Variants in CATIP observed in about 807,000 individuals in gnomAD.
CATIP encodes the protein ciliogenesis-associated TTC17-interacting protein.
A neutral mutation model predicts 42.5 loss-of-function variants in CATIP; 40 were observed. The observed-to-expected ratio is 0.94, with a 90% CI of 0.73 to 1.22. The LOEUF (loss-of-function observed/expected upper bound fraction) is 1.22. Ranked by LOEUF, CATIP falls within the 50% of genes most tolerant of loss-of-function variation. CATIP has a pLI of 0.00. For synonymous variants in CATIP, 222 were observed against 200.2 expected, an observed-to-expected ratio of 1.11 and a Z score of -0.92; for missense variants, 489 against 496.0, an observed-to-expected ratio of 0.99 and a Z score of 0.13.
chr2:218,362,752 G>T lies in CATIP; in HGVS notation c.480G>T (p.Val160=). 1 of 1,614,120 alleles carries T rather than the reference G, an allele frequency of 6.2e-7. No homozygotes were observed. The highest frequency in any genetic ancestry group is 1.1e-5 in the South Asian group (1 of 91,072). Residue 160 remains valine, a synonymous_variant, in exon 6 of 10, where the codon GTG becomes GTT. Transcript: ENST00000289388. Reference sequence around the variant, plus strand: ...CTGAACAGGAAGTGAAGACTGGAGTGACTTCTTTCCCCTGGAGCTCAATCA... The same window carrying T: ...CTGAACAGGAAGTGAAGACTGGAGTTACTTCTTTCCCCTGGAGCTCAATCA... ...IKEGEEVKTG[V]TSFPWSSIKG...
At position 218,367,366 on chromosome 2, in the gene CATIP, C is replaced by A. The variant is rs1480364020; in HGVS notation, c.833-64C>A. On this transcript the variant is annotated intron_variant, in intron 8 of 9. Coordinates refer to ENST00000289388, the MANE Select transcript of CATIP (RefSeq NM_198559.2). ...CCTTCTGTTTGGGTGTTCTCGGGAT[C>A]TCGCTGTGTATCCAAGGAAGGTTCC... 2.1e-6 allele frequency: 3 copies of A among 1,448,190 alleles called. No individual in the cohort carries two copies. In the African/African-American group the frequency reaches 4.2e-5, roughly 20 times the overall value. 89.7% of individuals were successfully genotyped at this position (1,448,190 alleles called of 1,614,324 possible).
intron 7 of CATIP, chr2:218,366,726 G>T: frequency 2.6e-6 from 1 of 391,048 alleles, no homozygotes. Flanking sequence ...TGCCATCAGG[G>T]TTGGTTTCTG....
At chr2:218,364,545 G>A (rs1267580287) in intron 6 of CATIP, 83 bp from the exon 7 acceptor site, 2 of 1,544,340 alleles carry the variant, frequency 1.3e-6, no homozygotes, top group African/African-American at 2.8e-5. Context: ...TTATGAGATG[G>A]AGAAAAGGCT....
Position 218,367,928 on chromosome 2 carries a change from G to A in CATIP, c.1128G>A (p.Leu376=). 1 of 1,605,526 alleles carries A rather than the reference G, an allele frequency of 6.2e-7. No homozygotes were observed. The highest frequency in any genetic ancestry group is 1.1e-5 in the South Asian group (1 of 90,432). The change falls in exon 10 of 10, where the codon CTG becomes CTA. Residue 376 remains leucine (L), a synonymous_variant. Coordinates refer to ENST00000289388, the MANE Select transcript of CATIP (RefSeq NM_198559.2). ...SSHRPNPFRS[L]EPEGDARSGA... ...ACCGGCCCAACCCTTTCCGCTCCCTGGAGCCGGAGGGAGACGCCCGCTCGG... is the reference window on the plus strand; with the variant it reads ...ACCGGCCCAACCCTTTCCGCTCCCTAGAGCCGGAGGGAGACGCCCGCTCGG...
Position 218,367,866 on chromosome 2 carries a change from C to T in CATIP, c.1066C>T (p.Pro356Ser). The change falls in exon 10 of 10, where the codon CCG becomes TCG. Residue 356 changes from proline to serine, a missense_variant. Physicochemically the swap from Pro to Ser is moderately conservative, Grantham distance 74. Coordinates refer to ENST00000289388, the MANE Select transcript of CATIP (RefSeq NM_198559.2). ...FAAEFFGPFD[P>S]WRPSSPALGS... is the part of the protein sequence containing the mutation. The stretch of plus-strand genomic sequence containing the variant: ...CGCCGAGTTCTTCGGCCCCTTCGAC[C>T]CGTGGCGTCCGTCGTCACCGGCCTT... 1.2e-6 allele frequency: 2 copies of T among 1,613,058 alleles called. No homozygotes were observed. The highest frequency in any genetic ancestry group is 1.7e-4 in the Middle Eastern group (1 of 6,046).
intron 6 of CATIP, among the ~76,000 whole-genome samples, chr2:218,364,131 G>A (rs1472860066): frequency 6.6e-6 from 1 of 152,166 alleles, no homozygotes; most frequent in African/African-American, 2.4e-5. Context: ...ACATGAACAA[G>A]CACAATCCAT....
chr2:218,361,722 A>G (rs2106312980), intron 5 of CATIP, among the ~76,000 whole-genome samples: 1 of 152,308 alleles, frequency 6.6e-6, no homozygotes, highest in East Asian at 1.9e-4. Flanking sequence ...TACCTTGTTT[A>G]GGAATAAAAT....
At chr2:218,363,000 A>C (rs1695289264) in intron 6 of CATIP, 98 bp downstream of exon 6, 1 of 1,258,684 alleles carries the variant, frequency 7.9e-7, no homozygotes, top group Non-Finnish European at 1.1e-6. Context: ...TAGAAAAGGG[A>C]GGCAGGTGGG....
In CATIP at chr2:218,368,080, T is replaced by A; in HGVS notation, c.*116T>A. On this transcript the variant is annotated 3_prime_UTR_variant, in exon 10 of 10. Coordinates refer to ENST00000289388, the MANE Select transcript of CATIP (RefSeq NM_198559.2). ...GGTTTTGGGGGAATAAATGGGGCCC[T>A]CCCGCTTCTCTGCAGCGCCCGTCGA... is the stretch of plus-strand genomic sequence containing the variant. The A allele has an allele frequency of 8.2e-7, 1 of 1,214,506 alleles. No individual in the cohort carries two copies. Among genetic ancestry groups the A allele is most frequent in the Non-Finnish European group, 1.1e-6 (1 of 909,674 alleles). 75.2% of individuals were successfully genotyped at this position (1,214,506 alleles called of 1,614,324 possible).
At chr2:218,359,853 C>A (rs535869069) in intron 4 of CATIP, among the ~76,000 whole-genome samples, 2 of 151,124 alleles carry the variant, frequency 1.3e-5, no homozygotes, top group East Asian at 3.9e-4. Flanking sequence ...GAGACAGAGT[C>A]TTGCTCTTAT....
At position 218,357,650 on chromosome 2, in the gene CATIP, C is replaced by G; in HGVS notation, c.235C>G (p.Leu79Val). The G allele has an allele frequency of 6.2e-7, 1 of 1,614,110 alleles. No individual in the cohort carries two copies. Reference sequence around the variant, plus strand: ...GCAGAGAGGGAAATACCAGGAAAAACTCGGCATGCTGACATACTGCCTCTT... The same window carrying G: ...GCAGAGAGGGAAATACCAGGAAAAAGTCGGCATGCTGACATACTGCCTCTT... Reference protein sequence around the residue: ...EVQRGKYQEKLGMLTYCLFVH... With the variant: ...EVQRGKYQEKVGMLTYCLFVH... The change falls in exon 3 of 10, where the codon CTC becomes GTC. Residue 79 changes from leucine (L) to valine (V), a missense_variant. Coordinates refer to ENST00000289388, the MANE Select transcript of CATIP (RefSeq NM_198559.2).
At chr2:218,364,814 G>C in intron 7 of CATIP, 62 bp downstream of exon 7, 1 of 1,554,448 alleles carries the variant, frequency 6.4e-7, no homozygotes, top group South Asian at 1.2e-5. Context: ...CAAGGAGACC[G>C]GCTGCTTCTG....
intron 7 of CATIP, among the ~76,000 whole-genome samples, chr2:218,365,140 C>T (rs745355781): frequency 2.6e-5 from 4 of 152,154 alleles, no homozygotes; most frequent in African/African-American, 4.8e-5. Flanking sequence ...CAGGGCTGGG[C>T]GTGGTGGCTC....
chr2:218,360,044 T>C (rs1008521221), intron 4 of CATIP, among the ~76,000 whole-genome samples: 3 of 152,152 alleles, frequency 2.0e-5, no homozygotes, highest in African/African-American at 4.8e-5. Context: ...CAGGCTGGTC[T>C]TGAACTCCTG....
At position 218,364,721 on chromosome 2, in the gene CATIP, A is replaced by G; in HGVS notation, c.724A>G (p.Met242Val). 1 of 1,613,792 alleles carries G rather than the reference A, an allele frequency of 6.2e-7. No homozygotes were observed. The change falls in exon 7 of 10, where the codon ATG becomes GTG. Residue 242 changes from methionine (M) to valine (V), a missense_variant. Met to Val is a conservative substitution (Grantham distance 21). Coordinates refer to ENST00000289388, the MANE Select transcript of CATIP (RefSeq NM_198559.2). ...TGTCCACGCGGAGGAGGGCATCCCC[A>G]TGTCCTGCCAGTACTACCTGCTCTC... ...QTVHAEEGIP[M>V]SCQYYLLSDG...
At chr2:218,364,568 T>C in intron 6 of CATIP, 60 bp from the exon 7 acceptor site, 2 of 1,596,066 alleles carry the variant, frequency 1.3e-6, no homozygotes, top group South Asian at 2.3e-5. Flanking sequence ...GGTAAGATGA[T>C]GGGGAGCCCT....
At chr2:218,359,357 A>AAAAAAAAAAAAAAAAAAAAC (rs1695155340) in intron 4 of CATIP, among the ~76,000 whole-genome samples, 1 of 151,724 alleles carries the variant, frequency 6.6e-6, no homozygotes, top group African/African-American at 2.4e-5. Flanking sequence ...AAAAAAAAAA[A>AAAAAAAAAAAAAAAAAAAAC]AAAAAAATGT....
Position 218,357,081 on chromosome 2 carries a change from T to C in CATIP, c.26-14T>C. 1 of 1,607,954 alleles carries C rather than the reference T, an allele frequency of 6.2e-7. No homozygotes were observed. On this transcript the variant is annotated splice_polypyrimidine_tract_variant and intron_variant, in intron 1 of 9. Coordinates refer to ENST00000289388, the MANE Select transcript of CATIP (RefSeq NM_198559.2). ...CCCCAGGGTCTGCCATCTTAGCCTC[T>C]CATCCCTCTGTAGGCTCCAGAGCTA...
chr2:218,367,122 T>C, intron 8 of CATIP, 22 bp downstream of exon 8: 1 of 1,588,266 alleles, frequency 6.3e-7, no homozygotes, highest in African/African-American at 1.3e-5. Flanking sequence ...CCAGGCCTTG[T>C]GCAGGCAGGG....
Sources: allele counts gnomAD v4.1 joint callset (sites outside exome capture counted in the v4.1 genomes callset), GRCh38; gene constraint gnomAD v4.1.1; transcripts MANE v1.5; gene names NCBI Gene and HGNC (gene_info 2026-07-23, HGNC 2026-07-21).